SYK: variants seen among roughly 807,000 people sequenced by gnomAD.
The protein encoded by SYK is spleen associated tyrosine kinase.
A neutral mutation model predicts 77.8 loss-of-function variants in SYK; 16 were observed. The observed-to-expected ratio is 0.21, with a 90% CI of 0.14 to 0.31. SYK has a LOEUF of 0.31. SYK is among the 10% of genes least tolerant of loss of function. The probability of loss-of-function intolerance (pLI) is 1.00; values close to 1 mark genes in which losing one functional copy is unlikely to be tolerated. For synonymous variants in SYK, 312 were observed against 308.7 expected (o/e 1.01, Z -0.11); for missense variants, 529 against 814.4 (o/e 0.65, Z 4.26).
At chr9:90,823,155 G>A (rs182990686) in intron 1 of SYK, among the ~76,000 whole-genome samples, 67 of 152,278 alleles carry the variant, frequency 4.4e-4, no homozygotes, top group African/African-American at 1.2e-3. Context: ...AGGGGTCAGC[G>A]CTTCAAGGAA....
intron 1 of SYK, among the ~76,000 whole-genome samples, chr9:90,821,631 CA>C (rs906802177): frequency 1.3e-5 from 2 of 152,212 alleles, no homozygotes; most frequent in Admixed American, 1.3e-4. Context: ...GGTGAGGACA[CA>C]GCCAAACCAT....
chr9:90,886,155 G>C (rs949441691), intron 11 of SYK, among the ~76,000 whole-genome samples: 7 of 152,118 alleles, frequency 4.6e-5, no homozygotes, highest in Non-Finnish European at 7.4e-5. Flanking sequence ...TAAGAACATA[G>C]ATAGACATTT....
chr9:90,884,767 GCACATATACACATGTGTACA>G lies in SYK; in HGVS notation c.1582-2981_1582-2962del, dbSNP rs1828429576. 1.3e-4 allele frequency among the ~76,000 whole-genome samples: 2 copies of G among 15,150 alleles called. 1 individual carries two copies. The highest frequency in any genetic ancestry group is 1.9e-3 in the African/African-American group (2 of 1,076). 9.9% of individuals were successfully genotyped at this position (15,150 alleles called of 152,430 possible). A position where few individuals can be genotyped will look rare whatever the true frequency, so the allele number is the denominator to read the frequency against. On this transcript the variant is annotated intron_variant, in intron 11 of 13. Transcript: ENST00000375754. ...TACACATATACACATATGTGTACAT[GCACATATACACATGTGTACA>G]TGCACATATACACATATGTGTACAT...
At chr9:90,820,611 C>G (rs935297920) in intron 1 of SYK, among the ~76,000 whole-genome samples, 1 of 152,176 alleles carries the variant, frequency 6.6e-6, no homozygotes, top group Non-Finnish European at 1.5e-5. Context: ...AGGCTGCACA[C>G]TGCATGAGGA....
At chr9:90,854,244 C>A (rs986771913) in intron 3 of SYK, among the ~76,000 whole-genome samples, 1 of 152,148 alleles carries the variant, frequency 6.6e-6, no homozygotes, top group Non-Finnish European at 1.5e-5. Context: ...TCAGCTGCCC[C>A]GAGTGTGCAG....
At chr9:90,810,882 A>G (rs550814493) in intron 1 of SYK, among the ~76,000 whole-genome samples, 3 of 152,262 alleles carry the variant, frequency 2.0e-5, no homozygotes, top group African/African-American at 7.2e-5. Context: ...ATATGCAGGC[A>G]TGGGTCCAAG....
intron 1 of SYK, among the ~76,000 whole-genome samples, chr9:90,835,097 A>T (rs1291137040): frequency 6.6e-6 from 1 of 152,214 alleles, no homozygotes; most frequent in East Asian, 1.9e-4. Context: ...CACATAACAG[A>T]GAAGGATCCA....
rs569674711 is a variant in SYK at position 90,897,851 on chromosome 9, C to G, written c.*2251C>G. ...TGTGGCCAGCACGAGGAAGTCTTTT[C>G]TAGTGAAAATGTGTCTTGTGGTCAG... On this transcript the variant is annotated 3_prime_UTR_variant, in exon 14 of 14. Transcript: ENST00000375754. 2.2e-5 allele frequency: 5 copies of G among 224,088 alleles called. No homozygotes were observed. The South Asian group carries it at 9.2e-4, about 41-fold the overall frequency. 13.9% of individuals were successfully genotyped at this position (224,088 alleles called of 1,614,324 possible). A position where few individuals can be genotyped will look rare whatever the true frequency, so the allele number is the denominator to read the frequency against.
intron 1 of SYK, among the ~76,000 whole-genome samples, chr9:90,804,127 T>C (rs1426968805): frequency 6.6e-6 from 1 of 152,204 alleles, no homozygotes; most frequent in African/African-American, 2.4e-5. Context: ...AAAGTGCATT[T>C]ATGTTGTTCA....
chr9:90,858,752 TG>T (rs1347080717), intron 3 of SYK, among the ~76,000 whole-genome samples: 2 of 152,384 alleles, frequency 1.3e-5, no homozygotes, highest in African/African-American at 4.8e-5. Flanking sequence ...GCGAGCCTTC[TG>T]GTCTTTGCCA....
At position 90,864,445 on chromosome 9, in the gene SYK, T is replaced by C. The variant is rs1827394628; in HGVS notation, c.718-144T>C. ...GTGGGCCCACTTCCCCAGCCACCCT[T>C]GTGGAGTGGACTTAAGCACATAAAA... is the stretch of plus-strand genomic sequence containing the variant. On this transcript the variant is annotated intron_variant, in intron 4 of 13. Transcript: ENST00000375754. 3 of 684,744 alleles carry C rather than the reference T, an allele frequency of 4.4e-6. No individual in the cohort carries two copies. In the Admixed American group the frequency reaches 7.9e-5, roughly 18 times the overall value. 42.4% of individuals were successfully genotyped at this position (684,744 alleles called of 1,614,324 possible). A position where few individuals can be genotyped will look rare whatever the true frequency, so the allele number is the denominator to read the frequency against.
intron 1 of SYK, among the ~76,000 whole-genome samples, chr9:90,829,804 A>G (rs1163952623): frequency 6.6e-6 from 1 of 152,266 alleles, no homozygotes; most frequent in Non-Finnish European, 1.5e-5. Flanking sequence ...TAACATTTAT[A>G]TTAACATAAT....
intron 4 of SYK, 93 bp from the exon 5 acceptor site, chr9:90,864,496 C>T (rs527298697): frequency 2.7e-5 from 31 of 1,137,044 alleles, no homozygotes; most frequent in South Asian, 4.0e-5. Context: ...GGGGCCACTT[C>T]GAAAGCCCAA....
intron 3 of SYK, among the ~76,000 whole-genome samples, chr9:90,851,383 A>G (rs1325150232): frequency 6.6e-6 from 1 of 152,224 alleles, no homozygotes; most frequent in Non-Finnish European, 1.5e-5. Context: ...GCCTTTGCAC[A>G]TGTGCTTGAA....
intron 1 of SYK, among the ~76,000 whole-genome samples, chr9:90,821,587 GAATTCTGGGAGATAC>G (rs1211879636): frequency 1.3e-5 from 2 of 152,168 alleles, no homozygotes; most frequent in African/African-American, 4.8e-5. Flanking sequence ...CAACATGTGG[GAATTCTGGGAGATAC>G]AATTCAAGTT....
chr9:90,813,011 A>T (rs1189343406), intron 1 of SYK, among the ~76,000 whole-genome samples: 1 of 152,090 alleles, frequency 6.6e-6, no homozygotes, highest in Non-Finnish European at 1.5e-5. Flanking sequence ...AGCAAAACTG[A>T]CCTGTAACAT....
intron 2 of SYK, among the ~76,000 whole-genome samples, chr9:90,845,155 C>T (rs764191226): frequency 2.6e-5 from 4 of 152,132 alleles, no homozygotes; most frequent in Non-Finnish European, 5.9e-5. Flanking sequence ...AGGCTGGTCT[C>T]GAACTCCTGA....
chr9:90,874,290 A>T lies in SYK; in HGVS notation c.1002A>T (p.Lys334Asn). The stretch of plus-strand genomic sequence containing the variant: ...AACTTGCACCCTGGGCTGCAGACAA[A>T]GGTGAGACTTCCTTTCATTCAAGGG... ...EPELAPWAAD[K>N]GPQREALPMD... is the part of the protein sequence containing the mutation. The change falls in exon 8 of 14, where the codon AAA becomes AAT. Residue 334 changes from lysine (K) to asparagine (N), a missense_variant and splice_region_variant. Around this residue, in one of 2 missense-constraint regions of SYK, gnomAD observed 321 missense variants for 433.1 expected, o/e 0.74. Coordinates refer to ENST00000375754, the MANE Select transcript of SYK (RefSeq NM_003177.7). 1 of 1,614,062 alleles carries T rather than the reference A, an allele frequency of 6.2e-7. No individual in the cohort carries two copies. The highest frequency in any genetic ancestry group is 8.5e-7 in the Non-Finnish European group (1 of 1,179,914).
intron 1 of SYK, among the ~76,000 whole-genome samples, chr9:90,821,122 G>A (rs533268388): frequency 1.3e-4 from 20 of 152,156 alleles, no homozygotes; most frequent in Admixed American, 1.0e-3. Context: ...TGTTAATATC[G>A]TTATTAGCAT....
Sources: gnomAD v4.1 joint callset for allele counts (sites outside exome capture counted in the v4.1 genomes callset) on GRCh38, gnomAD v4.1.1 for gene constraint, gnomAD v4.1.1 regional missense constraint, MANE v1.5 for transcripts, NCBI Gene and HGNC (gene_info 2026-07-23, HGNC 2026-07-21) for gene names.